The following LARGE1 variants were observed in gnomAD, a reference collection of about 807,000 sequenced individuals.
LARGE1 encodes xylosyl- and glucuronyltransferase LARGE1.
Under a neutral mutation model 87.6 loss-of-function variants are expected in LARGE1, and 43 were observed. The ratio of observed to expected loss-of-function variants is 0.49; its 90% CI spans 0.38 to 0.63. The LOEUF (loss-of-function observed/expected upper bound fraction) is 0.63, where lower values mean the gene tolerates loss of function less well. Among genes scored for constraint, LARGE1 ranks in the 30% least tolerant of loss-of-function variants. The pLI is 0.00. For missense variants in LARGE1, 802 were observed against 1,000.2 expected, an observed-to-expected ratio of 0.80 and a Z score of 2.67; for synonymous variants, 434 against 394.6, an observed-to-expected ratio of 1.10 and a Z score of -1.18.
chr22:33,480,316 C>G (rs2069263528), intron 6 of LARGE1, among the ~76,000 whole-genome samples: 2 of 152,146 alleles, frequency 1.3e-5, no homozygotes, highest in African/African-American at 4.8e-5. Flanking sequence ...GAAATGTAAG[C>G]CTTTTATGAT....
At chr22:33,159,072 G>T (rs1921945809), downstream of LARGE1, among the ~76,000 whole-genome samples, 1 of 151,740 alleles carries the variant, frequency 6.6e-6, no homozygotes, top group African/African-American at 2.4e-5. Context: ...AGATTCTCTG[G>T]GCCCTCTTTG....
chr22:33,665,266 T>C (rs1029129691), intron 2 of LARGE1, among the ~76,000 whole-genome samples: 1 of 152,222 alleles, frequency 6.6e-6, no homozygotes, highest in Non-Finnish European at 1.5e-5. Context: ...AGTATAAACG[T>C]ATCTGTTTCC....
chr22:33,444,853 G>T (rs1050235443), intron 6 of LARGE1, among the ~76,000 whole-genome samples: 2 of 152,056 alleles, frequency 1.3e-5, no homozygotes, highest in East Asian at 3.9e-4. Flanking sequence ...ACGGTGAGAC[G>T]TTGTCTTGTT....
At chr22:33,223,613 C>T (rs949303697) in intron 11 of LARGE1, among the ~76,000 whole-genome samples, 1 of 152,178 alleles carries the variant, frequency 6.6e-6, no homozygotes, top group Non-Finnish European at 1.5e-5. Flanking sequence ...AGGTGATACT[C>T]ATATGCCACA....
intron 1 of LARGE1, among the ~76,000 whole-genome samples, chr22:33,784,606 T>C (rs1336645249): frequency 1.3e-5 from 2 of 152,184 alleles, no homozygotes; most frequent in Non-Finnish European, 1.5e-5. Flanking sequence ...CAATAATGTA[T>C]TGAAAAGTTA....
chr22:33,781,148 G>A (rs2085407608), intron 1 of LARGE1, among the ~76,000 whole-genome samples: 1 of 152,188 alleles, frequency 6.6e-6, no homozygotes, highest in Non-Finnish European at 1.5e-5. Flanking sequence ...GTCACTTGAA[G>A]AGAGCAGGGT....
intron 1 of LARGE1, among the ~76,000 whole-genome samples, chr22:33,866,120 G>A (rs2064095409): frequency 6.6e-6 from 1 of 151,916 alleles, no homozygotes; most frequent in South Asian, 2.1e-4. Flanking sequence ...CCTCAGCTCT[G>A]GGTAGGCCCA....
the LARGE1 span, among the ~76,000 whole-genome samples, chr22:33,115,729 A>G: frequency 1.3e-5 from 2 of 151,370 alleles, no homozygotes; most frequent in Non-Finnish European, 2.9e-5. Context: ...GAGGCAGAAA[A>G]ATTGCTTGAA....
At position 33,810,004 on chromosome 22, in the gene LARGE1, G is replaced by C. The variant is rs561854199; in HGVS notation, c.-82-48446C>G. ...TTCAAGCACTTGTAGTTATAGGCGG[G>C]TGTTGCTACCACCCAGGAGAGCACA... On this transcript the variant is annotated intron_variant, in intron 1 of 14. Transcript: ENST00000397394. Among the ~76,000 whole-genome samples, 91 of 152,270 alleles carry C rather than the reference G, an allele frequency of 6.0e-4. No individual in the cohort carries two copies. In the South Asian group the frequency reaches 0.019, roughly 31 times the overall value.
At chr22:33,863,769 G>GA (rs397728698) in intron 1 of LARGE1, among the ~76,000 whole-genome samples, 54,719 of 144,300 alleles carry the variant, frequency 0.38, 10,233 homozygotes, top group South Asian at 0.49. Flanking sequence ...CTCTGTCTCA[G>GA]AAAAAAAAAA....
At chr22:33,773,489 C>A (rs966196543) in intron 1 of LARGE1, among the ~76,000 whole-genome samples, 1 of 152,126 alleles carries the variant, frequency 6.6e-6, no homozygotes, top group Non-Finnish European at 1.5e-5. Flanking sequence ...GCAGTGGCCC[C>A]CTGAGGCATC....
chr22:33,664,055 G>T (rs1197012064), intron 2 of LARGE1, among the ~76,000 whole-genome samples: 1 of 152,130 alleles, frequency 6.6e-6, no homozygotes, highest in East Asian at 1.9e-4. Context: ...CTCACCCCAT[G>T]TGTAACAGCT....
At chr22:33,405,319 C>T (rs1438376953) in intron 7 of LARGE1, among the ~76,000 whole-genome samples, 2 of 152,184 alleles carry the variant, frequency 1.3e-5, no homozygotes, top group East Asian at 3.9e-4. Flanking sequence ...CTTCCAGCCT[C>T]CCACCTGTCA....
At chr22:33,128,297 C>T in the LARGE1 span, among the ~76,000 whole-genome samples, 8 of 152,158 alleles carry the variant, frequency 5.3e-5, no homozygotes, top group Admixed American at 2.6e-4. Context: ...AAGATACATG[C>T]GTGGGTATGT....
At chr22:33,318,083 A>G (rs1936350644) in intron 10 of LARGE1, among the ~76,000 whole-genome samples, 1 of 151,974 alleles carries the variant, frequency 6.6e-6, no homozygotes, top group African/African-American at 2.4e-5. Flanking sequence ...AAAAACACAA[A>G]AAATTAGCCG....
intron 11 of LARGE1, among the ~76,000 whole-genome samples, chr22:33,172,177 A>T (rs1922612171): frequency 6.6e-6 from 1 of 152,230 alleles, no homozygotes; most frequent in Non-Finnish European, 1.5e-5. Context: ...TCTCCCATTT[A>T]GAATGGGAAT....
At chr22:33,632,515 C>T (rs772891159) in intron 3 of LARGE1, among the ~76,000 whole-genome samples, 1 of 149,686 alleles carries the variant, frequency 6.7e-6, no homozygotes, top group Admixed American at 6.7e-5. Context: ...GTGGGGGTCT[C>T]AGAGGTCAGA....
chr22:33,500,385 C>T (rs2070369478), intron 6 of LARGE1, among the ~76,000 whole-genome samples: 1 of 152,182 alleles, frequency 6.6e-6, no homozygotes. Context: ...TCGAAAACTC[C>T]TAATCTTACC....
chr22:33,505,988 A>G (rs930551846), intron 6 of LARGE1, among the ~76,000 whole-genome samples: 8 of 152,158 alleles, frequency 5.3e-5, no homozygotes, highest in African/African-American at 1.9e-4. Context: ...GAAGCATAGT[A>G]GGTGCCAATG....
Sources: gnomAD v4.1 joint callset for allele counts (sites outside exome capture counted in the v4.1 genomes callset) on GRCh38, gnomAD v4.1.1 for gene constraint, MANE v1.5 for transcripts, NCBI Gene and HGNC (gene_info 2026-07-23, HGNC 2026-07-21) for gene names.